Variants in RSPH9 observed in about 807,000 individuals in gnomAD.
RSPH9 encodes radial spoke head protein 9 homolog.
RSPH9 carries 27 observed loss-of-function variants against 27.0 expected under a neutral mutation model. That is an observed-to-expected ratio of 1.00 (90% confidence interval 0.74 to 1.38). The LOEUF is 1.38. Among genes scored for constraint, RSPH9 ranks in the 40% most tolerant of loss-of-function variants. RSPH9 has a pLI of 0.00. For synonymous variants in RSPH9, 145 were observed against 147.7 expected (o/e 0.98, Z 0.13); for missense variants, 347 against 357.4 (o/e 0.97, Z 0.24).
chr6:43,664,368 C>T (rs981708762), intron 4 of RSPH9, among the ~76,000 whole-genome samples: 1 of 152,142 alleles, frequency 6.6e-6, no homozygotes, highest in South Asian at 2.1e-4. Flanking sequence ...GTAGCTGGGA[C>T]TACAGGCGTG....
intron 4 of RSPH9, among the ~76,000 whole-genome samples, chr6:43,668,047 A>G (rs1773321536): frequency 6.6e-6 from 1 of 152,088 alleles, no homozygotes; most frequent in African/African-American, 2.4e-5. Flanking sequence ...ACCTGTACCC[A>G]TCACATCCTC....
intron 2 of RSPH9, among the ~76,000 whole-genome samples, chr6:43,653,394 C>T (rs1193054228): frequency 6.8e-6 from 1 of 147,186 alleles, no homozygotes; most frequent in Non-Finnish European, 1.5e-5. Flanking sequence ...TTGCAGTGAG[C>T]CAAGATCGCG....
intron 2 of RSPH9, among the ~76,000 whole-genome samples, chr6:43,653,952 A>G (rs1166945972): frequency 2.0e-5 from 3 of 152,138 alleles, no homozygotes; most frequent in Non-Finnish European, 4.4e-5. Context: ...TCAGCCTCCC[A>G]AAGTGCTAGG....
chr6:43,645,249 C>T lies in RSPH9; in HGVS notation c.151C>T (p.Leu51Phe). The T allele has an allele frequency of 1.2e-6, 2 of 1,614,096 alleles. No homozygotes were observed. Among genetic ancestry groups the T allele is most frequent in the Non-Finnish European group, 1.7e-6 (2 of 1,180,018 alleles). Reference sequence around the variant, plus strand: ...TCGGGTTCTCTTCTGGGGCCGCATCCTTGGCCTCGTCGCCGATTACTACAT... The same window carrying T: ...TCGGGTTCTCTTCTGGGGCCGCATCTTTGGCCTCGTCGCCGATTACTACAT... Reference protein sequence around the residue: ...YDRVLFWGRILGLVADYYIAQ... With the variant: ...YDRVLFWGRIFGLVADYYIAQ... Residue 51 changes from leucine (L) to phenylalanine (F), a missense_variant, in exon 1 of 5, where the codon CTT becomes TTT. Physicochemically the swap from Leu to Phe is conservative, Grantham distance 22. Coordinates refer to ENST00000372163, the MANE Select transcript of RSPH9 (RefSeq NM_152732.5).
At chr6:43,658,898 A>G (rs1002614549) in intron 4 of RSPH9, among the ~76,000 whole-genome samples, 3 of 152,098 alleles carry the variant, frequency 2.0e-5, no homozygotes, top group Non-Finnish European at 4.4e-5. Context: ...CACATTGGCC[A>G]GGATGGTCTC....
intron 1 of RSPH9, 58 bp downstream of exon 1, chr6:43,645,383 G>C (rs956660799): frequency 2.5e-6 from 3 of 1,214,008 alleles, no homozygotes; most frequent in Non-Finnish European, 3.6e-6. Flanking sequence ...GCAGGGCGGG[G>C]TGGGCGGGTC....
intron 4 of RSPH9, among the ~76,000 whole-genome samples, chr6:43,663,623 T>G (rs1320098140): frequency 6.6e-6 from 1 of 152,188 alleles, no homozygotes; most frequent in Non-Finnish European, 1.5e-5. Flanking sequence ...GACACACATT[T>G]ATCAATTAAG....
Position 43,645,302 on chromosome 6 carries a change from C to T in RSPH9, c.204C>T (p.Leu68=), listed in dbSNP as rs548590846. The change falls in exon 1 of 5, where the codon CTC becomes CTT. Residue 68 remains leucine (L), a synonymous_variant. Coordinates refer to ENST00000372163, the MANE Select transcript of RSPH9 (RefSeq NM_152732.5). ...CGCAGGGCCTGAGTGAGGACCAGCTCGCACCGCGCAAGACGCTCTATAGGT... is the reference window on the plus strand; with the variant it reads ...CGCAGGGCCTGAGTGAGGACCAGCTTGCACCGCGCAAGACGCTCTATAGGT... ...YIAQGLSEDQ[L]APRKTLYSLN... is the part of the protein sequence containing the mutation. 6 of 1,613,580 alleles carry T rather than the reference C, an allele frequency of 3.7e-6. No homozygotes were observed. In the South Asian group the frequency reaches 6.6e-5, roughly 18 times the overall value.
intron 4 of RSPH9, among the ~76,000 whole-genome samples, chr6:43,667,679 C>T (rs1345709057): frequency 6.6e-6 from 1 of 151,210 alleles, no homozygotes; most frequent in Non-Finnish European, 1.5e-5. Flanking sequence ...CCAGAGGTTT[C>T]TCCCTCCTCC....
Position 43,671,484 on chromosome 6 carries a change from G to A in RSPH9, c.*535G>A, listed in dbSNP as rs1037096693. 60 of 514,290 alleles carry A rather than the reference G, an allele frequency of 1.2e-4. 1 individual carries two copies. Among genetic ancestry groups the A allele is most frequent in the Middle Eastern group, 1.1e-3 (2 of 1,858 alleles). The allele number at this position is 514,290 out of a possible 1,614,324, so 31.9% of individuals were successfully genotyped here. A position where few individuals can be genotyped will look rare whatever the true frequency, so the allele number is the denominator to read the frequency against. ...CCATGAACCCAGTTTATGACACTGC[G>A]TTGGGCAAAACTCCTGTCCCCAGCA... On this transcript the variant is annotated 3_prime_UTR_variant, in exon 5 of 5. Coordinates refer to ENST00000372163, the MANE Select transcript of RSPH9 (RefSeq NM_152732.5).
chr6:43,668,406 G>A (rs1773366159), intron 4 of RSPH9, among the ~76,000 whole-genome samples: 1 of 152,084 alleles, frequency 6.6e-6, no homozygotes, highest in Admixed American at 6.5e-5. Context: ...GGCCCTACAT[G>A]CCGCTACCGT....
At chr6:43,655,498 G>A (rs1228312227) in intron 2 of RSPH9, 64 bp from the exon 3 acceptor site, 5 of 1,601,634 alleles carry the variant, frequency 3.1e-6, no homozygotes, top group South Asian at 1.1e-5. Context: ...CGTGCAGAGG[G>A]ACCTTGCGCC....
chr6:43,670,559 G>A (rs1013033931), intron 4 of RSPH9, among the ~76,000 whole-genome samples: 13 of 152,174 alleles, frequency 8.5e-5, no homozygotes, highest in East Asian at 1.9e-4. Flanking sequence ...TTGTGATTGC[G>A]CCACTGCATT....
In RSPH9 at chr6:43,672,350, AC is replaced by A. The variant is rs1218820401; in HGVS notation, c.*1402del. The A allele has an allele frequency of 2.1e-6, 1 of 472,774 alleles. No individual in the cohort carries two copies. Among genetic ancestry groups the A allele is most frequent in the South Asian group, 1.5e-5 (1 of 64,568 alleles). 29.3% of individuals were successfully genotyped at this position (472,774 alleles called of 1,614,324 possible). A position where few individuals can be genotyped will look rare whatever the true frequency, so the allele number is the denominator to read the frequency against. On this transcript the variant is annotated 3_prime_UTR_variant, in exon 5 of 5. Coordinates refer to ENST00000372163, the MANE Select transcript of RSPH9 (RefSeq NM_152732.5). ...CAACCTTCAGGGAACTCCCCAGGGT[AC>A]TATAACTGGTATAAGACCCCTGCCC...
intron 4 of RSPH9, among the ~76,000 whole-genome samples, chr6:43,667,214 G>C (rs1773231958): frequency 6.6e-6 from 1 of 152,264 alleles, no homozygotes; most frequent in Admixed American, 6.5e-5. Context: ...CAGAGGATGG[G>C]AAAGGGAAAT....
At chr6:43,656,392 T>C (rs1417061920) in intron 3 of RSPH9, among the ~76,000 whole-genome samples, 185 bp from the exon 4 acceptor site, 7 of 152,180 alleles carry the variant, frequency 4.6e-5, no homozygotes, top group Non-Finnish European at 7.3e-5. Flanking sequence ...GGCTGGACTC[T>C]CTTTGTGGCA....
rs1773739543 is a variant in RSPH9, at chr6:43,672,102, C to T, written c.*1153C>T. 3.0e-6 allele frequency: 2 copies of T among 665,442 alleles called. No individual in the cohort carries two copies. The highest frequency in any genetic ancestry group is 3.0e-5 in the Admixed American group (1 of 33,212). The allele number at this position is 665,442 out of a possible 1,614,324, so 41.2% of individuals were successfully genotyped here. The stretch of plus-strand genomic sequence containing the variant: ...TGTAAACAGATGGGCTGGGCTCTTG[C>T]TGCCGCAAGCCTGTGTGGCCAGGTT... On this transcript the variant is annotated 3_prime_UTR_variant, in exon 5 of 5. Coordinates refer to ENST00000372163, the MANE Select transcript of RSPH9 (RefSeq NM_152732.5).
rs566945767 is a variant in RSPH9, at chr6:43,663,202, C to T, written c.670+6479C>T. Among the ~76,000 whole-genome samples the T allele has an allele frequency of 1.3e-4, 20 of 149,792 alleles. No homozygotes were observed. In the East Asian group the frequency reaches 2.7e-3, roughly 21 times the overall value. ...CTTCCTTTCACTTAACACTTAGAGGCTATTGTAGAGTTATTTTATTTTTTA... is the reference window on the plus strand; with the variant it reads ...CTTCCTTTCACTTAACACTTAGAGGTTATTGTAGAGTTATTTTATTTTTTA... On this transcript the variant is annotated intron_variant, in intron 4 of 4. Coordinates refer to ENST00000372163, the MANE Select transcript of RSPH9 (RefSeq NM_152732.5).
intron 4 of RSPH9, among the ~76,000 whole-genome samples, chr6:43,670,155 C>A (rs1353760523): frequency 6.6e-6 from 1 of 152,202 alleles, no homozygotes; most frequent in Non-Finnish European, 1.5e-5. Flanking sequence ...CTTGGCCCAG[C>A]CCAACTCCCC....
Sources: gnomAD v4.1 joint callset for allele counts (sites outside exome capture counted in the v4.1 genomes callset) on GRCh38, gnomAD v4.1.1 for gene constraint, MANE v1.5 for transcripts, NCBI Gene and HGNC (gene_info 2026-07-23, HGNC 2026-07-21) for gene names.